CAMK2B: variants seen among roughly 807,000 people sequenced by gnomAD.
CAMK2B encodes the protein calcium/calmodulin-dependent protein kinase type II subunit beta.
In CAMK2B, 27 loss-of-function variants were observed where a neutral mutation model predicts 93.7. That is an observed-to-expected ratio of 0.29 (90% CI 0.21 to 0.40). The LOEUF (loss-of-function observed/expected upper bound fraction) is 0.40, where lower values mean the gene tolerates loss of function less well. CAMK2B is among the 10% of genes least tolerant of loss of function. The pLI is 1.00. For synonymous variants in CAMK2B, 374 were observed against 358.8 expected, an observed-to-expected ratio of 1.04 and a Z score of -0.48; for missense variants, 568 against 895.8, an observed-to-expected ratio of 0.63 and a Z score of 4.67.
chr7:44,259,842 G>C (rs982528068), intron 3 of CAMK2B, among the ~76,000 whole-genome samples: 49 of 152,304 alleles, frequency 3.2e-4, no homozygotes, highest in Admixed American at 2.8e-3. Context: ...CGAGGACGAC[G>C]ACAGCCAACA....
At chr7:44,314,140 C>G (rs1489403999) in intron 1 of CAMK2B, among the ~76,000 whole-genome samples, 1 of 152,060 alleles carries the variant, frequency 6.6e-6, no homozygotes, top group African/African-American at 2.4e-5. Context: ...AATTCATATA[C>G]CAAACAATTC....
chr7:44,273,611 C>A (rs1427091700), intron 2 of CAMK2B, among the ~76,000 whole-genome samples: 1 of 152,194 alleles, frequency 6.6e-6, no homozygotes, highest in African/African-American at 2.4e-5. Context: ...TCTCCATAGA[C>A]ACCAGCTTGG....
intron 13 of CAMK2B, 118 bp downstream of exon 13, chr7:44,239,471 G>T: frequency 1.2e-6 from 1 of 851,320 alleles, no homozygotes; most frequent in Non-Finnish European, 1.9e-6. Flanking sequence ...GCTCCCGGGG[G>T]CCTGGCGGCC....
chr7:44,235,578 G>A (rs1712307584), intron 13 of CAMK2B, among the ~76,000 whole-genome samples: 1 of 152,266 alleles, frequency 6.6e-6, no homozygotes, highest in Admixed American at 6.5e-5. Flanking sequence ...GAGTGAGGAA[G>A]GAAGAGAGAG....
intron 1 of CAMK2B, among the ~76,000 whole-genome samples, chr7:44,317,887 G>A (rs560583277): frequency 6.6e-6 from 1 of 152,260 alleles, no homozygotes; most frequent in African/African-American, 2.4e-5. Context: ...CTGGCCTCAG[G>A]TGCAGACTCC....
At chr7:44,222,402 T>A (rs1031451793) in intron 20 of CAMK2B, among the ~76,000 whole-genome samples, 1 of 152,066 alleles carries the variant, frequency 6.6e-6, no homozygotes, top group Non-Finnish European at 1.5e-5. Context: ...GCCACATACA[T>A]GCAACCTGTC....
chr7:44,272,110 C>T lies in CAMK2B; in HGVS notation c.161-9046G>A, dbSNP rs12702073. On this transcript the variant is annotated intron_variant, in intron 2 of 23. Transcript: ENST00000395749. ...TCATTTTCTTTCCGGCGGGACTTCT[C>T]GGAGCCCTTCAGATGCTGCCATAGT... Among the ~76,000 whole-genome samples, 744 of 148,784 alleles carry T rather than the reference C, an allele frequency of 5.0e-3. 3 individuals carry two copies. The highest frequency in any genetic ancestry group is 8.2e-3 in the Non-Finnish European group (552 of 67,054).
chr7:44,307,254 G>A (rs1295656316), intron 1 of CAMK2B, among the ~76,000 whole-genome samples: 2 of 145,082 alleles, frequency 1.4e-5, no homozygotes, highest in Non-Finnish European at 3.0e-5. Flanking sequence ...GCAGAGGGAA[G>A]AGGGTGTGAG....
At chr7:44,251,474 G>A (rs1028610668) in intron 5 of CAMK2B, among the ~76,000 whole-genome samples, 4 of 152,194 alleles carry the variant, frequency 2.6e-5, no homozygotes, top group East Asian at 3.9e-4. Context: ...GCTGAAGCCC[G>A]AGGAGGGGCC....
In CAMK2B at chr7:44,224,341, C is replaced by T. The variant is rs570886907; in HGVS notation, c.1597+2175G>A. Among the ~76,000 whole-genome samples the T allele has an allele frequency of 1.4e-4, 22 of 152,348 alleles. No homozygotes were observed. The South Asian group carries it at 4.3e-3, about 30-fold the overall frequency. On this transcript the variant is annotated intron_variant, in intron 20 of 23. Coordinates refer to ENST00000395749, the MANE Select transcript of CAMK2B (RefSeq NM_001220.5). This position sits in a 1 kb window ranked among gnomAD's most constrained non-coding sequence, Gnocchi z 4.4. ...TGATATCCAGGCCCCTGAAGAAGGG[C>T]ATGATCCCTGATGGAGGGAAAGGAG...
rs749470536 is a variant in CAMK2B at position 44,234,609 on chromosome 7, C to T, written c.1059+30G>A. 75 of 1,612,984 alleles carry T rather than the reference C, an allele frequency of 4.6e-5. No homozygotes were observed. The East Asian group carries it at 6.2e-4, about 13-fold the overall frequency. On this transcript the variant is annotated intron_variant, in intron 14 of 23. Coordinates refer to ENST00000395749, the MANE Select transcript of CAMK2B (RefSeq NM_001220.5). Reference sequence around the variant, plus strand: ...GTGAAGCTGCAGGCTCTGGGCTCCCCGGCACCACAGGGCCCGGCTGGAGCC... The same window carrying T: ...GTGAAGCTGCAGGCTCTGGGCTCCCTGGCACCACAGGGCCCGGCTGGAGCC...
At chr7:44,313,266 AAGTCCCACACTGCAATGGAAGTC>A (rs1483355194) in intron 1 of CAMK2B, among the ~76,000 whole-genome samples, 1 of 152,096 alleles carries the variant, frequency 6.6e-6, no homozygotes, top group Non-Finnish European at 1.5e-5. Flanking sequence ...TGTGCCTCAG[AAGTCCCACACTGCAATGGAAGTC>A]GTCCTGCTGC....
At chr7:44,274,126 T>A (rs1279890281) in intron 2 of CAMK2B, among the ~76,000 whole-genome samples, 1 of 152,144 alleles carries the variant, frequency 6.6e-6, no homozygotes, top group East Asian at 1.9e-4. Context: ...CACGGGGCTC[T>A]TCTAACCCCC....
chr7:44,270,752 C>T (rs1033857336), intron 2 of CAMK2B, among the ~76,000 whole-genome samples: 11 of 152,180 alleles, frequency 7.2e-5, no homozygotes, highest in African/African-American at 1.7e-4. Context: ...ACCCCCCATC[C>T]CCACAGAGCT....
At chr7:44,227,772 A>AGGGG (rs1562805971) in intron 19 of CAMK2B, among the ~76,000 whole-genome samples, 2 of 8,598 alleles carry the variant, frequency 2.3e-4, no homozygotes, top group Admixed American at 1.6e-3. Context: ...ACAGAGGGAG[A>AGGGG]GTCTGGGGGA....
At chr7:44,268,631 C>T (rs1032320746) in intron 2 of CAMK2B, 2 of 152,430 alleles carry the variant, frequency 1.3e-5, no homozygotes, top group Non-Finnish European at 2.9e-5. Context: ...ACCACAGGTC[C>T]TCCACCAGCA....
At chr7:44,245,125 C>T (rs62459103) in intron 6 of CAMK2B, 76,965 of 367,200 alleles carry the variant, frequency 0.21, 9,469 homozygotes, top group Middle Eastern at 0.3. Context: ...ACCAGCAGTT[C>T]TTCCGAAGAG....
chr7:44,243,378 C>G (rs1285736989), intron 7 of CAMK2B, 45 bp from the exon 8 acceptor site: 1 of 1,611,128 alleles, frequency 6.2e-7, no homozygotes, highest in Non-Finnish European at 8.5e-7. Context: ...AGCATCACCT[C>G]CTGCCCTGCC....
chr7:44,250,527 C>CTTA (rs1376767693), intron 5 of CAMK2B, among the ~76,000 whole-genome samples: 5 of 117,818 alleles, frequency 4.2e-5, no homozygotes, highest in African/African-American at 1.5e-4. Context: ...AGTGACATTG[C>CTTA]TTTTTTTTTT....
Sources: allele counts gnomAD v4.1 joint callset (sites outside exome capture counted in the v4.1 genomes callset), GRCh38; gene constraint gnomAD v4.1.1; non-coding constraint Gnocchi (gnomAD v3.1); transcripts MANE v1.5; gene names NCBI Gene and HGNC (gene_info 2026-07-23, HGNC 2026-07-21).